Variants in SCTR observed in about 807,000 individuals in gnomAD.
The protein encoded by SCTR is secretin receptor.
SCTR carries 56 observed loss-of-function variants against 60.8 expected under a neutral mutation model. The observed-to-expected ratio is 0.92, with a 90% CI of 0.74 to 1.15. The LOEUF is 1.15. Ranked by LOEUF, SCTR falls within the 50% of genes most tolerant of loss-of-function variation. The pLI is 0.00. For synonymous variants in SCTR, 202 were observed against 217.0 expected (o/e 0.93, Z 0.61); for missense variants, 562 against 550.4 (o/e 1.02, Z -0.21).
chr2:119,492,339 T>TGA (rs1304513555), intron 2 of SCTR, among the ~76,000 whole-genome samples: 2 of 152,232 alleles, frequency 1.3e-5, no homozygotes, highest in African/African-American at 4.8e-5. Context: ...TCCTAAGTGA[T>TGA]GAGAGCACAG....
At position 119,524,299 on chromosome 2, in the gene SCTR, G is replaced by A; in HGVS notation, c.-73C>T. On this transcript the variant is annotated 5_prime_UTR_variant, in exon 1 of 13. Transcript: ENST00000019103. ...CCCTCTGCCCGCTCGGGAGCTCAGC[G>A]CCCCGCGCAGGGTCCCGGGCTCCGG... 1.9e-6 allele frequency: 2 copies of A among 1,054,274 alleles called. No individual in the cohort carries two copies. The highest frequency in any genetic ancestry group is 2.5e-6 in the Non-Finnish European group (2 of 789,272). 65.3% of individuals were successfully genotyped at this position (1,054,274 alleles called of 1,614,324 possible).
chr2:119,482,989 G>A (rs1677699991), intron 2 of SCTR, among the ~76,000 whole-genome samples: 1 of 152,258 alleles, frequency 6.6e-6, no homozygotes, highest in African/African-American at 2.4e-5. Context: ...TCCAGAGCAT[G>A]GAAAAAGGCA....
intron 2 of SCTR, among the ~76,000 whole-genome samples, chr2:119,492,548 AG>A (rs1367242851): frequency 5.3e-5 from 8 of 152,242 alleles, no homozygotes; most frequent in African/African-American, 1.9e-4. Flanking sequence ...TTCAAATGGA[AG>A]AAAAATCATA....
intron 7 of SCTR, among the ~76,000 whole-genome samples, chr2:119,455,751 T>A (rs746583433): frequency 3.9e-5 from 6 of 151,952 alleles, no homozygotes; most frequent in African/African-American, 7.3e-5. Context: ...AACATTAGAC[T>A]AAAGGGAGTT....
At chr2:119,480,848 G>C (rs1221077195) in intron 2 of SCTR, 1 of 152,318 alleles carries the variant, frequency 6.6e-6, no homozygotes, top group Non-Finnish European at 1.5e-5. Context: ...CGCAGTCAGC[G>C]CTCCTCCCGT....
chr2:119,456,393 T>G (rs1037964948), intron 7 of SCTR, among the ~76,000 whole-genome samples: 2 of 151,980 alleles, frequency 1.3e-5, no homozygotes, highest in African/African-American at 4.8e-5. Context: ...AAATAATGAA[T>G]TAGGTATGAA....
At chr2:119,494,360 C>A in intron 2 of SCTR, 68 bp downstream of exon 2, 1 of 1,559,506 alleles carries the variant, frequency 6.4e-7, no homozygotes, top group Admixed American at 1.7e-5. Context: ...GGATAAGCTC[C>A]CCCTGCCCAG....
intron 1 of SCTR, among the ~76,000 whole-genome samples, chr2:119,506,267 A>G (rs941169722): frequency 1.3e-4 from 20 of 152,208 alleles, no homozygotes; most frequent in South Asian, 2.1e-4. Flanking sequence ...ATGTTTTCCA[A>G]TGGGTAAGCA....
chr2:119,509,343 T>C (rs1469632558), intron 1 of SCTR, among the ~76,000 whole-genome samples: 2 of 152,200 alleles, frequency 1.3e-5, no homozygotes, highest in Non-Finnish European at 2.9e-5. Flanking sequence ...GCAATTGTTA[T>C]GCCGCCTAGC....
chr2:119,462,896 A>C (rs1271775705), intron 6 of SCTR, among the ~76,000 whole-genome samples: 1 of 152,192 alleles, frequency 6.6e-6, no homozygotes, highest in Non-Finnish European at 1.5e-5. Flanking sequence ...AAACCTGAGA[A>C]GGTTCCCTGC....
chr2:119,513,059 T>C lies in SCTR; in HGVS notation c.72+11096A>G, dbSNP rs575062114. Among the ~76,000 whole-genome samples, 3 of 152,324 alleles carry C rather than the reference T, an allele frequency of 2.0e-5. 1 individual carries two copies. In the South Asian group the frequency reaches 6.2e-4, roughly 32 times the overall value. On this transcript the variant is annotated intron_variant, in intron 1 of 12. Coordinates refer to ENST00000019103, the MANE Select transcript of SCTR (RefSeq NM_002980.3). Reference sequence around the variant, plus strand: ...CAGCTTCTTGCCTGGTGGCCTTCACTGTAACATAACCAGGCCAAGAGGGAG... The same window carrying C: ...CAGCTTCTTGCCTGGTGGCCTTCACCGTAACATAACCAGGCCAAGAGGGAG...
intron 1 of SCTR, among the ~76,000 whole-genome samples, chr2:119,514,721 C>CA (rs1216928386): frequency 6.6e-6 from 1 of 151,900 alleles, no homozygotes; most frequent in African/African-American, 2.4e-5. Flanking sequence ...ACTAAAAATA[C>CA]AAAAAAATCA....
chr2:119,517,183 G>A (rs62159776), intron 1 of SCTR, among the ~76,000 whole-genome samples: 37,212 of 150,436 alleles, frequency 0.25, 4,738 homozygotes, highest in Admixed American at 0.26. Flanking sequence ...TTTTTGAGAC[G>A]GAGTCTCACT....
intron 1 of SCTR, among the ~76,000 whole-genome samples, chr2:119,510,936 G>A (rs141139973): frequency 0.028 from 4,244 of 151,988 alleles, 186 homozygotes; most frequent in African/African-American, 0.094. Context: ...GGTGGCTCAC[G>A]CCTGTAATCC....
intron 1 of SCTR, among the ~76,000 whole-genome samples, chr2:119,522,159 G>A (rs1389832599): frequency 2.0e-5 from 3 of 152,196 alleles, no homozygotes; most frequent in East Asian, 3.9e-4. Context: ...GGCCGAGCAT[G>A]GTGGCACATG....
At chr2:119,475,919 G>A (rs1260935035) in intron 3 of SCTR, among the ~76,000 whole-genome samples, 1 of 151,852 alleles carries the variant, frequency 6.6e-6, no homozygotes, top group African/African-American at 2.4e-5. Flanking sequence ...TTTTTAATAA[G>A]GAACTCTGGA....
chr2:119,490,748 C>T (rs1434179030), intron 2 of SCTR, among the ~76,000 whole-genome samples: 3 of 152,182 alleles, frequency 2.0e-5, no homozygotes, highest in Non-Finnish European at 4.4e-5. Flanking sequence ...CTGCTTGTAA[C>T]TCCTTAGCCT....
At chr2:119,453,672 G>A (rs1350505337) in intron 7 of SCTR, among the ~76,000 whole-genome samples, 1 of 152,226 alleles carries the variant, frequency 6.6e-6, no homozygotes. Context: ...GGGCAGGCTC[G>A]TGGACACATG....
chr2:119,447,892 ATT>A (rs1682993741), intron 10 of SCTR, among the ~76,000 whole-genome samples: 1 of 152,188 alleles, frequency 6.6e-6, no homozygotes, highest in African/African-American at 2.4e-5. Flanking sequence ...CTTTAATATA[ATT>A]TATGGGCTGA....
Sources: allele counts gnomAD v4.1 joint callset (sites outside exome capture counted in the v4.1 genomes callset), GRCh38; gene constraint gnomAD v4.1.1; transcripts MANE v1.5; gene names NCBI Gene and HGNC (gene_info 2026-07-23, HGNC 2026-07-21).